Variants in TRAK1 observed in about 807,000 individuals in gnomAD.
The protein encoded by TRAK1 is trafficking kinesin protein 1.
Under a neutral mutation model 92.1 loss-of-function variants are expected in TRAK1, and 33 were observed. The ratio of observed to expected loss-of-function variants is 0.36; its 90% CI spans 0.27 to 0.48. The LOEUF is 0.48. Ranked by LOEUF, TRAK1 falls within the 20% of genes least tolerant of loss-of-function variation. The pLI, the probability that TRAK1 is intolerant of heterozygous loss-of-function variation, is 0.99. For synonymous variants in TRAK1, 521 were observed against 517.3 expected, an observed-to-expected ratio of 1.01 and a Z score of -0.10; for missense variants, 1,123 against 1,257.9, an observed-to-expected ratio of 0.89 and a Z score of 1.62.
intron 1 of TRAK1, among the ~76,000 whole-genome samples, chr3:42,098,269 C>T (rs961354593): frequency 6.6e-5 from 10 of 152,090 alleles, no homozygotes; most frequent in South Asian, 6.2e-4. Flanking sequence ...AGGTTGGTGA[C>T]GCCTTTAGAA....
chr3:42,188,978 T>G (rs1409159824), intron 5 of TRAK1, 38 bp from the exon 6 acceptor site: 1 of 1,476,582 alleles, frequency 6.8e-7, no homozygotes, highest in Non-Finnish European at 9.5e-7. Context: ...TGGGAGGAAA[T>G]GCGTCTCCCT....
At chr3:42,110,542 C>T (rs1708248842) in intron 1 of TRAK1, among the ~76,000 whole-genome samples, 1 of 152,184 alleles carries the variant, frequency 6.6e-6, no homozygotes, top group Non-Finnish European at 1.5e-5. Context: ...GGGTTGTAAA[C>T]ATTCACACTA....
intron 13 of TRAK1, among the ~76,000 whole-genome samples, chr3:42,206,575 A>G (rs1279989931): frequency 1.3e-5 from 2 of 152,244 alleles, no homozygotes; most frequent in Non-Finnish European, 2.9e-5. Flanking sequence ...TGCAGAATGC[A>G]GACAGCAGGG....
Position 42,202,522 on chromosome 3 carries a change from G to T in TRAK1, c.1514G>T (p.Arg505Leu), listed in dbSNP as rs763629549. The change falls in exon 13 of 16, where the codon CGC (arginine) becomes CTC (leucine). Residue 505 changes from arginine (R) to leucine (L), a missense_variant. Around this residue, in one of 3 missense-constraint regions of TRAK1, gnomAD observed 686 missense variants for 747.6 expected, o/e 0.92. Transcript: ENST00000327628. This position sits in a 1 kb window ranked among gnomAD's most constrained non-coding sequence, Gnocchi z 6.1. ...ACGGCGCTGAGGCGGCTGTCCCTGC[G>T]CCGGGAGAACTACCTCTCGGAGAGG... ...LETALRRLSL[R>L]RENYLSERRF... 1.9e-6 allele frequency: 3 copies of T among 1,543,218 alleles called. No homozygotes were observed. The highest frequency in any genetic ancestry group is 1.8e-6 in the Non-Finnish European group (2 of 1,137,642).
intron 1 of TRAK1, among the ~76,000 whole-genome samples, chr3:42,056,280 C>G (rs1020206217): frequency 6.6e-6 from 1 of 152,248 alleles, no homozygotes; most frequent in Admixed American, 6.5e-5. Context: ...AAAGTGGCTG[C>G]GCTATTTTAC....
At chr3:42,120,781 C>T (rs1412292640) in intron 1 of TRAK1, among the ~76,000 whole-genome samples, 4 of 152,122 alleles carry the variant, frequency 2.6e-5, no homozygotes, top group African/African-American at 7.2e-5. Flanking sequence ...CTCTTGACCT[C>T]GTGTTCCGCC....
chr3:42,160,083 C>A, intron 2 of TRAK1: 1 of 951,234 alleles, frequency 1.1e-6, no homozygotes, highest in Non-Finnish European at 1.4e-6. Context: ...CTGCGCCTAG[C>A]AGGGCATTCC....
At chr3:42,087,151 A>G (rs1381197560), upstream of TRAK1, 5 of 152,630 alleles carry the variant, frequency 3.3e-5, no homozygotes, top group African/African-American at 1.2e-4. Context: ...ACCGGGGGCC[A>G]TCTGCCCAAC....
intron 2 of TRAK1, chr3:42,149,728 C>G: frequency 8.4e-7 from 1 of 1,187,424 alleles, no homozygotes; most frequent in East Asian, 2.6e-5. Context: ...ACTAGCACCA[C>G]TGGCTCTGGC....
At chr3:42,034,713 C>T (rs1255877443) in intron 1 of TRAK1, among the ~76,000 whole-genome samples, 3 of 152,270 alleles carry the variant, frequency 2.0e-5, no homozygotes, top group Non-Finnish European at 4.4e-5. Context: ...GCCTTAACAG[C>T]GTGAGCAGGA....
intron 13 of TRAK1, among the ~76,000 whole-genome samples, chr3:42,206,345 C>T (rs1708330454): frequency 6.6e-6 from 1 of 152,108 alleles, no homozygotes; most frequent in African/African-American, 2.4e-5. Context: ...ATAGCACAGT[C>T]AGGTTTGAGA....
intron 1 of TRAK1, among the ~76,000 whole-genome samples, chr3:42,035,952 G>A (rs1272171373): frequency 6.6e-6 from 1 of 152,234 alleles, no homozygotes; most frequent in Non-Finnish European, 1.5e-5. Context: ...TGTGCTGGCA[G>A]TCTAGGTATT....
intron 2 of TRAK1, among the ~76,000 whole-genome samples, chr3:42,176,602 C>T (rs761170207): frequency 1.3e-5 from 2 of 152,188 alleles, no homozygotes; most frequent in East Asian, 1.9e-4. Flanking sequence ...ACAGGGGTTA[C>T]GAGTCCCCCT....
intron 1 of TRAK1, among the ~76,000 whole-genome samples, chr3:42,104,671 T>G (rs1690105673): frequency 6.6e-6 from 1 of 152,158 alleles, no homozygotes; most frequent in South Asian, 2.1e-4. Context: ...CAGAAAGGAA[T>G]CCACACCAAA....
chr3:42,180,382 A>G (rs1046104055), intron 3 of TRAK1, among the ~76,000 whole-genome samples: 1 of 152,142 alleles, frequency 6.6e-6, no homozygotes, highest in African/African-American at 2.4e-5. Context: ...CCTGTAATCC[A>G]GACACTTTGG....
At chr3:42,211,454 A>G (rs1709016697) in intron 14 of TRAK1, 1 of 985,468 alleles carries the variant, frequency 1.0e-6, no homozygotes, top group Non-Finnish European at 1.2e-6. Context: ...CTCGAAAAAG[A>G]GAAACCAGCT....
intron 1 of TRAK1, among the ~76,000 whole-genome samples, chr3:42,019,408 ATGCG>A (rs1200385280): frequency 1.3e-5 from 2 of 152,138 alleles, no homozygotes; most frequent in Non-Finnish European, 2.9e-5. Flanking sequence ...CCTGAGTAGC[ATGCG>A]TGCTGCCACA....
chr3:42,063,145 T>C (rs1703518961), intron 1 of TRAK1, among the ~76,000 whole-genome samples: 1 of 152,260 alleles, frequency 6.6e-6, no homozygotes, highest in African/African-American at 2.4e-5. Context: ...TAAAGTTTTA[T>C]TGGAATACAG....
chr3:42,016,664 G>A (rs1466866097), intron 1 of TRAK1, among the ~76,000 whole-genome samples: 2 of 152,148 alleles, frequency 1.3e-5, no homozygotes, highest in African/African-American at 2.4e-5. Flanking sequence ...GTCAGCTGTC[G>A]GAGTTTTTAT....
Sources: allele counts gnomAD v4.1 joint callset (sites outside exome capture counted in the v4.1 genomes callset), GRCh38; gene constraint gnomAD v4.1.1; regional missense constraint gnomAD v4.1.1; non-coding constraint Gnocchi (gnomAD v3.1); transcripts MANE v1.5; gene names NCBI Gene and HGNC (gene_info 2026-07-23, HGNC 2026-07-21).